MSRA: variants seen among roughly 807,000 people sequenced by gnomAD.
MSRA encodes methionine sulfoxide reductase A, also known as mitochondrial peptide methionine sulfoxide reductase.
Under a neutral mutation model 31.3 loss-of-function variants are expected in MSRA, and 54 were observed. The observed-to-expected ratio is 1.73, with a 90% CI of 1.39 to 2.17. MSRA has a LOEUF of 2.17. Ranked by LOEUF, MSRA falls within the 30% of genes most tolerant of loss-of-function variation. The pLI, the probability that MSRA is intolerant of heterozygous loss-of-function variation, is 0.00. For synonymous variants in MSRA, 169 were observed against 116.5 expected (o/e 1.45, Z -2.90); for missense variants, 507 against 300.9 (o/e 1.69, Z -5.07).
chr8:10,061,947 G>C (rs944609726), intron 1 of MSRA, among the ~76,000 whole-genome samples: 1 of 152,216 alleles, frequency 6.6e-6, no homozygotes, highest in Non-Finnish European at 1.5e-5. Context: ...TCCACGTGGG[G>C]CCTTGGCCTG....
intron 3 of MSRA, among the ~76,000 whole-genome samples, chr8:10,289,505 T>C (rs1413669378): frequency 6.6e-6 from 1 of 152,216 alleles, no homozygotes; most frequent in Non-Finnish European, 1.5e-5. Flanking sequence ...ATTTATCCTT[T>C]GTGTTACAGA....
chr8:10,250,131 A>C (rs563944486), intron 3 of MSRA, among the ~76,000 whole-genome samples: 9 of 152,180 alleles, frequency 5.9e-5, no homozygotes, highest in African/African-American at 1.9e-4. Flanking sequence ...ACACACACAC[A>C]CCCTCAAACA....
At chr8:10,098,723 A>G (rs373763226) in intron 1 of MSRA, among the ~76,000 whole-genome samples, 1 of 152,180 alleles carries the variant, frequency 6.6e-6, no homozygotes, top group African/African-American at 2.4e-5. Context: ...TTTTATGACT[A>G]TTTTGGTTGT....
intron 3 of MSRA, among the ~76,000 whole-genome samples, chr8:10,267,348 G>C (rs928566678): frequency 5.9e-5 from 9 of 152,212 alleles, no homozygotes; most frequent in Admixed American, 5.9e-4. Flanking sequence ...AGGCTGCAGT[G>C]GCTGGGGAGA....
intron 3 of MSRA, among the ~76,000 whole-genome samples, chr8:10,299,803 T>C (rs1352190176): frequency 6.6e-6 from 1 of 152,192 alleles, no homozygotes; most frequent in Non-Finnish European, 1.5e-5. Flanking sequence ...GGGTCAACTT[T>C]ACTGAAAAGC....
chr8:10,113,032 T>A (rs1800398926), intron 1 of MSRA, among the ~76,000 whole-genome samples: 1 of 152,134 alleles, frequency 6.6e-6, no homozygotes. Context: ...TCCTTGCATA[T>A]TCTCTGTCTG....
intron 1 of MSRA, among the ~76,000 whole-genome samples, chr8:10,124,046 T>A (rs565350702): frequency 1.3e-5 from 2 of 152,020 alleles, no homozygotes; most frequent in East Asian, 3.9e-4. Flanking sequence ...ACCTTGGGAT[T>A]GCAGAGGTCG....
chr8:10,412,548 G>A (rs1808220937), intron 5 of MSRA, among the ~76,000 whole-genome samples: 2 of 152,206 alleles, frequency 1.3e-5, no homozygotes, highest in South Asian at 2.1e-4. Flanking sequence ...TTACGCGTTT[G>A]AAGCCAAAGC....
chr8:10,222,244 G>A (rs1161994515), intron 2 of MSRA, among the ~76,000 whole-genome samples: 1 of 152,024 alleles, frequency 6.6e-6, no homozygotes, highest in Non-Finnish European at 1.5e-5. Context: ...AAAGCTTTAG[G>A]CCTTTATAGA....
intron 4 of MSRA, among the ~76,000 whole-genome samples, chr8:10,318,804 A>G (rs1376187279): frequency 6.6e-6 from 1 of 152,080 alleles, no homozygotes; most frequent in Non-Finnish European, 1.5e-5. Flanking sequence ...TCTGGGCTTC[A>G]CGCTTGAGGG....
At chr8:10,393,959 C>A (rs1311351585) in intron 5 of MSRA, among the ~76,000 whole-genome samples, 3 of 152,184 alleles carry the variant, frequency 2.0e-5, no homozygotes, top group Non-Finnish European at 4.4e-5. Flanking sequence ...ACAGCCATCC[C>A]CCAGGCCTTG....
At chr8:10,426,487 C>G (rs1563469252) in intron 5 of MSRA, among the ~76,000 whole-genome samples, 1 of 152,224 alleles carries the variant, frequency 6.6e-6, no homozygotes, top group Admixed American at 6.5e-5. Context: ...GGGTCTGCTT[C>G]CTGCAGAGTC....
chr8:10,157,361 G>C (rs1185978473), intron 1 of MSRA, among the ~76,000 whole-genome samples: 1 of 152,092 alleles, frequency 6.6e-6, no homozygotes, highest in East Asian at 1.9e-4. Flanking sequence ...TGTGATTTGA[G>C]GGCCTTAGTC....
At chr8:10,221,704 A>G (rs1810516186) in intron 2 of MSRA, among the ~76,000 whole-genome samples, 1 of 152,222 alleles carries the variant, frequency 6.6e-6, no homozygotes, top group African/African-American at 2.4e-5. Flanking sequence ...TCAGATTATG[A>G]TAAGTGCTGT....
At chr8:10,189,992 G>T (rs1248081152) in intron 1 of MSRA, among the ~76,000 whole-genome samples, 1 of 151,978 alleles carries the variant, frequency 6.6e-6, no homozygotes, top group Non-Finnish European at 1.5e-5. Flanking sequence ...GTTATTTTTT[G>T]GTGATTTGTA....
chr8:10,270,426 ATCCTC>A (rs1798970130), intron 3 of MSRA, among the ~76,000 whole-genome samples: 1 of 149,814 alleles, frequency 6.7e-6, no homozygotes, highest in Non-Finnish European at 1.5e-5. Context: ...AAAAAAAACT[ATCCTC>A]TACTAGGTGC....
chr8:10,206,200 C>T (rs371349691), intron 1 of MSRA, among the ~76,000 whole-genome samples: 190 of 152,318 alleles, frequency 1.2e-3, no homozygotes, highest in South Asian at 6.8e-3. Context: ...GATCTCCACA[C>T]GGAAGCTCAG....
At chr8:10,219,066 A>G (rs180698356) in intron 2 of MSRA, among the ~76,000 whole-genome samples, 33 of 152,234 alleles carry the variant, frequency 2.2e-4, no homozygotes, top group Middle Eastern at 3.4e-3. Context: ...TAAAAAAGCA[A>G]CTCCAGAGAG....
intron 5 of MSRA, among the ~76,000 whole-genome samples, chr8:10,398,928 C>A (rs912075406): frequency 6.6e-6 from 1 of 152,202 alleles, no homozygotes; most frequent in Non-Finnish European, 1.5e-5. Context: ...CTGGCAGAAG[C>A]CCCTATCGAG....
Sources: allele counts gnomAD v4.1 joint callset (sites outside exome capture counted in the v4.1 genomes callset), GRCh38; gene constraint gnomAD v4.1.1; transcripts MANE v1.5; gene names NCBI Gene and HGNC (gene_info 2026-07-23, HGNC 2026-07-21).